Variants in ALS2 observed in about 807,000 individuals in gnomAD.
ALS2 encodes the protein alsin.
ALS2 carries 117 observed loss-of-function variants against 203.4 expected under a neutral mutation model. That is an observed-to-expected ratio of 0.58 (90% CI 0.50 to 0.67). The LOEUF is 0.67. Among genes scored for constraint, ALS2 ranks in the 30% least tolerant of loss-of-function variants. The probability of loss-of-function intolerance (pLI) is 0.00; values close to 1 mark genes in which losing one functional copy is unlikely to be tolerated. For synonymous variants in ALS2, 718 were observed against 725.9 expected (o/e 0.99, Z 0.17); for missense variants, 1,715 against 1,989.4 (o/e 0.86, Z 2.62).
intron 27 of ALS2, 84 bp from the exon 28 acceptor site, chr2:201,708,075 A>G: frequency 1.5e-6 from 2 of 1,321,288 alleles, no homozygotes; most frequent in Non-Finnish European, 2.1e-6. Flanking sequence ...ATTAGTTATG[A>G]GAGCAAGCTT....
intron 3 of ALS2, among the ~76,000 whole-genome samples, chr2:201,767,000 AGTTAATGG>A (rs1694122242): frequency 6.6e-6 from 1 of 151,366 alleles, no homozygotes; most frequent in Non-Finnish European, 1.5e-5. Flanking sequence ...CTAAATGATG[AGTTAATGG>A]GTGCAGCATA....
At chr2:201,712,496 G>A (rs1690090356) in intron 25 of ALS2, among the ~76,000 whole-genome samples, 1 of 152,150 alleles carries the variant, frequency 6.6e-6, no homozygotes, top group African/African-American at 2.4e-5. Context: ...TGGAAATGAA[G>A]ACCAGCATAA....
In ALS2 at chr2:201,726,787, C is replaced by T. The variant is rs1691191619; in HGVS notation, c.3059G>A (p.Gly1020Asp). The stretch of plus-strand genomic sequence containing the variant: ...TGGTTCCTGTCTCTGAACACTGCTA[C>T]CACTTCCATAAGGGGGGAGATCAGA... Reference protein sequence around the residue: ...GMSDLPPYGSGSSVQRQEPPI... With the variant: ...GMSDLPPYGSDSSVQRQEPPI... The change falls in exon 18 of 34, where the codon GGT becomes GAT. Residue 1020 changes from glycine (G) to aspartate (D), a missense_variant. Transcript: ENST00000264276. 6.2e-7 allele frequency: 1 copy of T among 1,614,034 alleles called. No individual in the cohort carries two copies. The highest frequency in any genetic ancestry group is 1.3e-5 in the African/African-American group (1 of 74,912).
intron 2 of ALS2, among the ~76,000 whole-genome samples, chr2:201,767,696 C>A (rs1345021197): frequency 3.1e-4 from 43 of 140,742 alleles, no homozygotes; most frequent in Non-Finnish European, 2.6e-4. Flanking sequence ...CCTGTTTCTA[C>A]TAAAAATACA....
intron 21 of ALS2, among the ~76,000 whole-genome samples, chr2:201,723,749 A>T (rs1690965226): frequency 6.6e-6 from 1 of 152,230 alleles, no homozygotes; most frequent in African/African-American, 2.4e-5. Context: ...TCAACTCTAA[A>T]TAATTTCATT....
In ALS2 at chr2:201,761,837, AAAAAAG is replaced by A; in HGVS notation, c.176-25_176-20del. Reference sequence around the variant, plus strand: ...TCACCATCTGAAGGTTAAAAAAAAGAAAAAAGAAAAAAAAAAGGGTTAGTGAATTAA... The same window carrying A: ...TCACCATCTGAAGGTTAAAAAAAAGAAAAAAAAAAAGGGTTAGTGAATTAA... On this transcript the variant is annotated intron_variant, in intron 3 of 33. Transcript: ENST00000264276. 6.2e-7 allele frequency: 1 copy of A among 1,611,846 alleles called. No individual in the cohort carries two copies.
At chr2:201,743,595 C>T (rs1427459122) in intron 10 of ALS2, among the ~76,000 whole-genome samples, 12 of 152,152 alleles carry the variant, frequency 7.9e-5, no homozygotes, top group Non-Finnish European at 2.9e-5. Context: ...AGCAATTCTC[C>T]TGCCTCAGCC....
At chr2:201,714,273 C>T (rs187990257) in intron 25 of ALS2, among the ~76,000 whole-genome samples, 4 of 152,316 alleles carry the variant, frequency 2.6e-5, no homozygotes, top group Admixed American at 2.6e-4. Flanking sequence ...ATCTGCTTTC[C>T]TGTAAGCTGG....
intron 8 of ALS2, among the ~76,000 whole-genome samples, chr2:201,747,934 T>C (rs892237806): frequency 6.6e-6 from 1 of 152,200 alleles, no homozygotes; most frequent in Admixed American, 6.5e-5. Context: ...TAGTTCCTCA[T>C]TTGTGGGTTT....
At chr2:201,754,350 T>C (rs1489554351) in intron 6 of ALS2, among the ~76,000 whole-genome samples, 153 bp downstream of exon 6, 1 of 152,192 alleles carries the variant, frequency 6.6e-6, no homozygotes, top group Non-Finnish European at 1.5e-5. Context: ...AAGAGTAAAG[T>C]GACAGCTTTT....
In ALS2 at chr2:201,757,463, G is replaced by A. The variant is rs1693466364; in HGVS notation, c.1410C>T (p.Ile470=). The change falls in exon 5 of 34, where the codon ATC becomes ATT. Residue 470 remains isoleucine, a synonymous_variant. Transcript: ENST00000264276. Reference sequence around the variant, plus strand: ...TGCCTCCCTCTGTTTCTTCTTCTCTGATATCCACAAGACTTGAACTTTTCT... The same window carrying A: ...TGCCTCCCTCTGTTTCTTCTTCTCTAATATCCACAAGACTTGAACTTTTCT... ...QGKKSSSLVD[I]REEETEGGSR... The A allele has an allele frequency of 6.2e-7, 1 of 1,614,062 alleles. No individual in the cohort carries two copies. Among genetic ancestry groups the A allele is most frequent in the Non-Finnish European group, 8.5e-7 (1 of 1,180,002 alleles).
At chr2:201,758,786 T>TGTGTGTGTG (rs1553514712) in intron 4 of ALS2, among the ~76,000 whole-genome samples, 13 of 103,122 alleles carry the variant, frequency 1.3e-4, no homozygotes, top group Admixed American at 9.8e-5. Flanking sequence ...GTGTGTGTGT[T>TGTGTGTGTG]TGTTTGTATA....
At chr2:201,744,919 C>T (rs1195935035) in intron 9 of ALS2, among the ~76,000 whole-genome samples, 1 of 152,070 alleles carries the variant, frequency 6.6e-6, no homozygotes. Flanking sequence ...ATTAACCTGC[C>T]TTTTGTACAA....
intron 23 of ALS2, chr2:201,722,743 T>C (rs1455980621): frequency 2.7e-6 from 1 of 366,020 alleles, no homozygotes; most frequent in Non-Finnish European, 4.9e-6. Flanking sequence ...TATGATTCCA[T>C]TTATACAAAA....
intron 25 of ALS2, among the ~76,000 whole-genome samples, chr2:201,713,862 C>T (rs140265495): frequency 6.6e-6 from 1 of 152,252 alleles, no homozygotes; most frequent in East Asian, 1.9e-4. Context: ...TCTTTCATTG[C>T]TGAGTAATTT....
chr2:201,756,121 G>A (rs1219382331), intron 5 of ALS2, among the ~76,000 whole-genome samples: 1 of 152,032 alleles, frequency 6.6e-6, no homozygotes, highest in Non-Finnish European at 1.5e-5. Context: ...TAGGATATAA[G>A]TCTATTAGTG....
rs116424515 is a variant in ALS2, at chr2:201,763,207, G to A, written c.176-1389C>T. ...TCCCCGTGCACAGAGGCTACTGGGGGAACAAGATCAGCAAGCACCACGCAG... is the reference window on the plus strand; with the variant it reads ...TCCCCGTGCACAGAGGCTACTGGGGAAACAAGATCAGCAAGCACCACGCAG... On this transcript the variant is annotated intron_variant, in intron 3 of 33. Transcript: ENST00000264276. 1,721 of 200,420 alleles carry A rather than the reference G, an allele frequency of 8.6e-3. 31 individuals carry two copies. The highest frequency in any genetic ancestry group is 0.037 in the Admixed American group (612 of 16,608). The allele number at this position is 200,420 out of a possible 1,614,324, so 12.4% of individuals were successfully genotyped here.
In ALS2 at chr2:201,757,880, T is replaced by A. The variant is rs1037437603; in HGVS notation, c.1114-121A>T. 3.4e-5 allele frequency: 26 copies of A among 754,144 alleles called. No homozygotes were observed. The African/African-American group carries it at 4.6e-4, about 13-fold the overall frequency. The allele number at this position is 754,144 out of a possible 1,614,324, so 46.7% of individuals were successfully genotyped here. A position where few individuals can be genotyped will look rare whatever the true frequency, so the allele number is the denominator to read the frequency against. Reference sequence around the variant, plus strand: ...ATGTAAGAATCTAAAACGACAGAAGTTCTCTTCATCTTCAACTAAAGGTAT... The same window carrying A: ...ATGTAAGAATCTAAAACGACAGAAGATCTCTTCATCTTCAACTAAAGGTAT... On this transcript the variant is annotated intron_variant, in intron 4 of 33. Coordinates refer to ENST00000264276, the MANE Select transcript of ALS2 (RefSeq NM_020919.4).
In ALS2 at chr2:201,744,286, A is replaced by C; in HGVS notation, c.2142T>G (p.Ser714=). Residue 714 remains serine (S), a synonymous_variant, in exon 10 of 34, where the codon TCT becomes TCG. Transcript: ENST00000264276. ...RFYSKLSDIK[S]QILRPLLSLE... is the part of the protein sequence containing the mutation. ...AACTGAGAAGAGGCCTGAGAATCTGAGATTTGATATCACTTAGTTTTGAAT... is the reference window on the plus strand; with the variant it reads ...AACTGAGAAGAGGCCTGAGAATCTGCGATTTGATATCACTTAGTTTTGAAT... 1.2e-6 allele frequency: 2 copies of C among 1,614,168 alleles called. No homozygotes were observed. The highest frequency in any genetic ancestry group is 1.7e-6 in the Non-Finnish European group (2 of 1,180,016).
Sources: allele counts gnomAD v4.1 joint callset (sites outside exome capture counted in the v4.1 genomes callset), GRCh38; gene constraint gnomAD v4.1.1; transcripts MANE v1.5; gene names NCBI Gene and HGNC (gene_info 2026-07-23, HGNC 2026-07-21).